KARS1: variants seen among roughly 807,000 people sequenced by gnomAD.
KARS1 encodes lysyl-tRNA synthetase 1.
A neutral mutation model predicts 63.9 loss-of-function variants in KARS1; 50 were observed. The observed-to-expected ratio is 0.78, with a 90% CI of 0.62 to 0.99. The LOEUF (loss-of-function observed/expected upper bound fraction) is 0.99. Among genes scored for constraint, KARS1 ranks in the 50% least tolerant of loss-of-function variants. The pLI is 0.00. For synonymous variants in KARS1, 320 were observed against 264.6 expected, an observed-to-expected ratio of 1.21 and a Z score of -2.03; for missense variants, 816 against 754.5, an observed-to-expected ratio of 1.08 and a Z score of -0.95.
chr16:75,645,523 C>A (rs1262230047), intron 1 of KARS1, among the ~76,000 whole-genome samples: 2 of 152,028 alleles, frequency 1.3e-5, no homozygotes, highest in Admixed American at 1.3e-4. Context: ...AAAAGCTGGT[C>A]AAAAAAGTAG....
At chr16:75,636,792 C>G (rs189648196) in intron 3 of KARS1, among the ~76,000 whole-genome samples, 1 of 151,852 alleles carries the variant, frequency 6.6e-6, no homozygotes, top group Non-Finnish European at 1.5e-5. Flanking sequence ...CACCACCACA[C>G]TCGGCTAATT....
At position 75,627,954 on chromosome 16, in the gene KARS1, T is replaced by C; in HGVS notation, c.1735A>G (p.Lys579Glu). ...GTATCAGTGGTTGCTACATTCTCCT[T>C]CTTGTCTTCGGGTTTCATGGCAGGA... is the stretch of plus-strand genomic sequence containing the variant. ...LFPAMKPEDK[K>E]ENVATTDTLE... The change falls in exon 14 of 14, where the codon AAG becomes GAG. Residue 579 changes from lysine to glutamate, a missense_variant. Lys to Glu is a moderately conservative substitution (Grantham distance 56, BLOSUM62 1). Coordinates refer to ENST00000302445, the MANE Select transcript of KARS1 (RefSeq NM_005548.3). 1.2e-6 allele frequency: 2 copies of C among 1,611,756 alleles called. No homozygotes were observed. Among genetic ancestry groups the C allele is most frequent in the East Asian group, 2.2e-5 (1 of 44,862 alleles).
intron 6 of KARS1, 132 bp from the exon 7 acceptor site, chr16:75,634,424 C>G: frequency 1.1e-6 from 1 of 901,222 alleles, no homozygotes; most frequent in South Asian, 1.4e-5. Context: ...CAGTAATGTG[C>G]AAGTGCTTGA....
At position 75,645,676 on chromosome 16, in the gene KARS1, G is replaced by A. The variant is rs780035079; in HGVS notation, c.62+1902C>T. The stretch of plus-strand genomic sequence containing the variant: ...AGCCTGGGCAACAAGGTCAAATCCC[G>A]TCTCTACTAAAACACAAAAATTTAA... On this transcript the variant is annotated intron_variant, in intron 1 of 13. Transcript: ENST00000302445. 3.3e-5 allele frequency among the ~76,000 whole-genome samples: 5 copies of A among 151,926 alleles called. No individual in the cohort carries two copies. The South Asian group carries it at 1.0e-3, about 32-fold the overall frequency.
At chr16:75,629,585 T>TA (rs756898275) in intron 11 of KARS1, 44 bp from the exon 12 acceptor site, 381 of 1,609,654 alleles carry the variant, frequency 2.4e-4, no homozygotes, top group Admixed American at 5.2e-4. Context: ...TAGAGGCCCC[T>TA]AATGAGCTAA....
intron 1 of KARS1, among the ~76,000 whole-genome samples, chr16:75,642,479 G>A (rs568468116): frequency 6.6e-6 from 1 of 152,240 alleles, no homozygotes; most frequent in African/African-American, 2.4e-5. Context: ...TAGGATTACA[G>A]GTGTGAGCCA....
At chr16:75,637,613 T>TA (rs956564816) in intron 3 of KARS1, among the ~76,000 whole-genome samples, 66 of 150,078 alleles carry the variant, frequency 4.4e-4, no homozygotes, top group Non-Finnish European at 4.2e-4. Context: ...CTGTCTCTAC[T>TA]AAAAAAAAAT....
At position 75,647,652 on chromosome 16, in the gene KARS1, C is replaced by A. The variant is rs374154676; in HGVS notation, c.-13G>T. 72 of 1,613,502 alleles carry A rather than the reference C, an allele frequency of 4.5e-5. No individual in the cohort carries two copies. Among genetic ancestry groups the A allele is most frequent in the Non-Finnish European group, 5.7e-5 (67 of 1,179,730 alleles). ...GCACGGCCGCCATCTTCCCGGAGGG[C>A]CCGACCCAAAAGTAAGGAGGATAGT... On this transcript the variant is annotated 5_prime_UTR_variant, in exon 1 of 14. Coordinates refer to ENST00000302445, the MANE Select transcript of KARS1 (RefSeq NM_005548.3).
At chr16:75,630,999 C>G (rs16941287) in intron 10 of KARS1, among the ~76,000 whole-genome samples, 169 bp downstream of exon 10, 2 of 152,156 alleles carry the variant, frequency 1.3e-5, no homozygotes, top group African/African-American at 4.8e-5. Flanking sequence ...TTATTTGGCA[C>G]AGAGCTTAGT....
intron 1 of KARS1, among the ~76,000 whole-genome samples, chr16:75,645,175 AG>A (rs1455777127): frequency 1.1e-4 from 17 of 152,224 alleles, no homozygotes; most frequent in African/African-American, 4.1e-4. Flanking sequence ...GGAATTCCCC[AG>A]AACAATAAAC....
intron 7 of KARS1, among the ~76,000 whole-genome samples, chr16:75,632,893 C>T (rs904025913): frequency 1.3e-5 from 2 of 152,168 alleles, no homozygotes; most frequent in Admixed American, 1.3e-4. Flanking sequence ...ACTGAACAGG[C>T]TGAAGGCAGC....
In KARS1 at chr16:75,639,144, G is replaced by C. The variant is rs550091186; in HGVS notation, c.388+1040C>G. Among the ~76,000 whole-genome samples, 3 of 151,854 alleles carry C rather than the reference G, an allele frequency of 2.0e-5. No homozygotes were observed. The South Asian group carries it at 6.2e-4, about 32-fold the overall frequency. On this transcript the variant is annotated intron_variant, in intron 3 of 13. Coordinates refer to ENST00000302445, the MANE Select transcript of KARS1 (RefSeq NM_005548.3). ...GATTGCGCCATTGCACTACAGCCTGGGGGACAAGAGCAAGACTTCGCCTCA... is the reference window on the plus strand; with the variant it reads ...GATTGCGCCATTGCACTACAGCCTGCGGGACAAGAGCAAGACTTCGCCTCA...
At chr16:75,645,274 G>A (rs2151813041) in intron 1 of KARS1, among the ~76,000 whole-genome samples, 1 of 152,364 alleles carries the variant, frequency 6.6e-6, no homozygotes, top group East Asian at 1.9e-4. Flanking sequence ...AACGTGAGTA[G>A]TGCTGTGCAG....
intron 3 of KARS1, among the ~76,000 whole-genome samples, chr16:75,637,222 A>T (rs2082171849): frequency 6.6e-6 from 1 of 152,002 alleles, no homozygotes. Context: ...ATTTACAACA[A>T]AATGCTGTGG....
At chr16:75,644,476 C>T in intron 1 of KARS1, 3 of 1,571,164 alleles carry the variant, frequency 1.9e-6, no homozygotes, top group Non-Finnish European at 2.6e-6. Context: ...GCGGGAAACA[C>T]AGAGATGTGG....
chr16:75,633,908 TAA>T, intron 7 of KARS1: 2 of 424,648 alleles, frequency 4.7e-6, no homozygotes, highest in Admixed American at 6.9e-5. Flanking sequence ...GACTTTATCT[TAA>T]AAGTTTTAGG....
chr16:75,636,977 A>T (rs1454886228), intron 3 of KARS1, among the ~76,000 whole-genome samples: 1 of 150,868 alleles, frequency 6.6e-6, no homozygotes, highest in African/African-American at 2.4e-5. Context: ...GCACAATGCA[A>T]AGCAGTACAA....
At position 75,628,555 on chromosome 16, in the gene KARS1, G is replaced by A. The variant is rs2082076181; in HGVS notation, c.1695+14C>T. 1 of 1,613,178 alleles carries A rather than the reference G, an allele frequency of 6.2e-7. No individual in the cohort carries two copies. On this transcript the variant is annotated intron_variant, in intron 13 of 13. Coordinates refer to ENST00000302445, the MANE Select transcript of KARS1 (RefSeq NM_005548.3). ...TTCCTCAGGAAGTGTGCTCTGTGGA[G>A]GGTTGCTACGTACCTTGATGTTGTT...
chr16:75,646,140 C>T (rs1371671263), intron 1 of KARS1, among the ~76,000 whole-genome samples: 2 of 151,244 alleles, frequency 1.3e-5, no homozygotes, highest in East Asian at 3.8e-4. Flanking sequence ...CATCGGATTG[C>T]TCTAATAAAG....
Sources: allele counts gnomAD v4.1 joint callset (sites outside exome capture counted in the v4.1 genomes callset), GRCh38; gene constraint gnomAD v4.1.1; transcripts MANE v1.5; gene names NCBI Gene and HGNC (gene_info 2026-07-23, HGNC 2026-07-21).